The following PRKN variants were observed in gnomAD, a reference collection of about 807,000 sequenced individuals.
PRKN encodes E3 ubiquitin-protein ligase parkin.
A neutral mutation model predicts 59.5 loss-of-function variants in PRKN; 56 were observed. That is an observed-to-expected ratio of 0.94 (90% CI 0.76 to 1.18). The LOEUF (loss-of-function observed/expected upper bound fraction) is 1.18, where lower values mean the gene tolerates loss of function less well. Ranked by LOEUF, PRKN falls within the 50% of genes most tolerant of loss-of-function variation. PRKN has a pLI of 0.00. For synonymous variants in PRKN, 250 were observed against 222.1 expected (o/e 1.13, Z -1.12); for missense variants, 657 against 596.4 (o/e 1.10, Z -1.06).
At chr6:162,394,981 TA>T (rs1562729642) in intron 2 of PRKN, among the ~76,000 whole-genome samples, 12 of 152,330 alleles carry the variant, frequency 7.9e-5, no homozygotes, top group African/African-American at 2.9e-4. Context: ...TTATTTGCCT[TA>T]ATATCTATTT....
chr6:161,687,093 G>T (rs1230111380), intron 7 of PRKN, among the ~76,000 whole-genome samples: 1 of 151,972 alleles, frequency 6.6e-6, no homozygotes, highest in African/African-American at 2.4e-5. Flanking sequence ...CTTTTTTAAA[G>T]AATACAACAC....
rs575862877 is a variant in PRKN, at chr6:161,512,785, C to G, written c.1083+36069G>C. Among the ~76,000 whole-genome samples, 32 of 152,326 alleles carry G rather than the reference C, an allele frequency of 2.1e-4. No individual in the cohort carries two copies. In the Middle Eastern group the frequency reaches 0.01, roughly 49 times the overall value. ...CTCTTACTTGCCGTCCTCCTGGCCT[C>G]CCTGGTGCACACAGCTATGGGGGCT... On this transcript the variant is annotated intron_variant, in intron 9 of 11. Transcript: ENST00000366898.
At chr6:161,427,215 T>C (rs1364117516) in intron 9 of PRKN, among the ~76,000 whole-genome samples, 1 of 152,164 alleles carries the variant, frequency 6.6e-6, no homozygotes, top group Non-Finnish European at 1.5e-5. Context: ...AGACAGGATT[T>C]TGCCATGTTG....
intron 1 of PRKN, among the ~76,000 whole-genome samples, chr6:162,522,338 G>A (rs546747537): frequency 8.3e-4 from 127 of 152,276 alleles, no homozygotes; most frequent in African/African-American, 3.0e-3. Context: ...TGCCCAGGCT[G>A]GTCTCGAACT....
Position 161,973,308 on chromosome 6 carries a change from T to A in PRKN, c.728A>T (p.Asp243Val). The change falls in exon 6 of 12, where the codon GAC becomes GTC. Residue 243 changes from aspartate (D) to valine (V), a missense_variant. Physicochemically the swap from Asp to Val is radical, Grantham distance 152. Coordinates refer to ENST00000366898, the MANE Select transcript of PRKN (RefSeq NM_004562.3). ...ACTATTTTTAGATCCTTACCTGACG[T>A]CTGTGCACGTAATGCAAGTGATGTT... ...SRNITCITCT[D>V]VRSPVLVFQC... The A allele has an allele frequency of 6.2e-7, 1 of 1,605,608 alleles. No individual in the cohort carries two copies. The highest frequency in any genetic ancestry group is 8.5e-7 in the Non-Finnish European group (1 of 1,172,208).
chr6:162,506,714 T>C (rs951042540), intron 1 of PRKN, among the ~76,000 whole-genome samples: 2 of 152,030 alleles, frequency 1.3e-5, no homozygotes, highest in African/African-American at 4.8e-5. Context: ...GGAGGAGATA[T>C]CAATACAGTG....
intron 1 of PRKN, among the ~76,000 whole-genome samples, chr6:162,660,506 C>G (rs1447579512): frequency 6.6e-6 from 1 of 152,172 alleles, no homozygotes; most frequent in Admixed American, 6.5e-5. Flanking sequence ...ACTATTTTCT[C>G]GTAGAGTCTT....
chr6:162,328,768 G>T (rs959724657), intron 2 of PRKN, among the ~76,000 whole-genome samples: 1 of 152,176 alleles, frequency 6.6e-6, no homozygotes, highest in Non-Finnish European at 1.5e-5. Flanking sequence ...ACTGGATGGA[G>T]GAGGAGCGAG....
intron 3 of PRKN, among the ~76,000 whole-genome samples, chr6:162,259,468 G>C (rs1779794695): frequency 6.6e-6 from 1 of 152,194 alleles, no homozygotes; most frequent in East Asian, 1.9e-4. Flanking sequence ...CGCCATTCTG[G>C]CCATCAAAGA....
intron 2 of PRKN, among the ~76,000 whole-genome samples, chr6:162,295,823 G>C (rs1005463620): frequency 6.6e-6 from 1 of 152,168 alleles, no homozygotes; most frequent in Non-Finnish European, 1.5e-5. Context: ...CACTGCAGTT[G>C]TCAGAATCTG....
intron 5 of PRKN, among the ~76,000 whole-genome samples, chr6:161,980,469 C>A (rs1172426932): frequency 6.6e-6 from 1 of 152,064 alleles, no homozygotes; most frequent in South Asian, 2.1e-4. Flanking sequence ...GTTCAACTGA[C>A]GGAATTGAAT....
intron 5 of PRKN, among the ~76,000 whole-genome samples, chr6:162,027,453 G>A (rs542565171): frequency 1.3e-5 from 2 of 152,212 alleles, no homozygotes; most frequent in African/African-American, 4.8e-5. Context: ...CTGCGAGTGC[G>A]ACAAACCTCT....
At chr6:161,755,904 T>C (rs934363079) in intron 7 of PRKN, among the ~76,000 whole-genome samples, 3 of 152,054 alleles carry the variant, frequency 2.0e-5, no homozygotes, top group South Asian at 2.1e-4. Context: ...TGCCCTCTGT[T>C]GCCAATAGAC....
intron 9 of PRKN, among the ~76,000 whole-genome samples, chr6:161,479,599 C>G (rs983386331): frequency 1.3e-5 from 2 of 152,204 alleles, no homozygotes; most frequent in African/African-American, 4.8e-5. Context: ...ACTTTCTGAG[C>G]ATATGCTCTG....
In PRKN at chr6:161,393,990, T is replaced by G. The variant is rs564024326; in HGVS notation, c.1084-7113A>C. 7.9e-5 allele frequency among the ~76,000 whole-genome samples: 12 copies of G among 152,232 alleles called. No individual in the cohort carries two copies. The highest frequency in any genetic ancestry group is 2.9e-4 in the African/African-American group (12 of 41,518). The stretch of plus-strand genomic sequence containing the variant: ...AATATTTTTCTTTTTGGTGTGTAGC[T>G]TTCCAGAAGATGGCAGCAGAGATAC... On this transcript the variant is annotated intron_variant, in intron 9 of 11. Transcript: ENST00000366898. This position sits in a 1 kb window ranked among gnomAD's most constrained non-coding sequence, Gnocchi z 4.7.
intron 2 of PRKN, among the ~76,000 whole-genome samples, chr6:162,322,347 G>A (rs902478030): frequency 1.3e-4 from 20 of 152,014 alleles, no homozygotes; most frequent in Admixed American, 4.6e-4. Flanking sequence ...ATTGGAAGAC[G>A]TAACATTATT....
intron 6 of PRKN, among the ~76,000 whole-genome samples, chr6:161,952,861 A>T (rs1181957772): frequency 1.3e-5 from 2 of 152,232 alleles, no homozygotes; most frequent in Non-Finnish European, 2.9e-5. Context: ...AGCATTCCTC[A>T]ATTGAGGTAA....
chr6:162,559,439 T>C (rs138876155), intron 1 of PRKN, among the ~76,000 whole-genome samples: 1 of 152,144 alleles, frequency 6.6e-6, no homozygotes, highest in African/African-American at 2.4e-5. Flanking sequence ...GTAACTGACA[T>C]ATAGGAAGAC....
intron 7 of PRKN, among the ~76,000 whole-genome samples, chr6:161,728,980 C>A (rs768954933): frequency 6.6e-6 from 1 of 152,188 alleles, no homozygotes; most frequent in Non-Finnish European, 1.5e-5. Context: ...TAAAATCAAA[C>A]TCAAATGTGC....
Sources: allele counts gnomAD v4.1 joint callset (sites outside exome capture counted in the v4.1 genomes callset), GRCh38; gene constraint gnomAD v4.1.1; non-coding constraint Gnocchi (gnomAD v3.1); transcripts MANE v1.5; gene names NCBI Gene and HGNC (gene_info 2026-07-23, HGNC 2026-07-21).